Variants in SLC5A7 observed in about 807,000 individuals in gnomAD.
SLC5A7 encodes solute carrier family 5 member 7, also known as high affinity choline transporter 1.
SLC5A7 carries 19 observed loss-of-function variants against 55.4 expected under a neutral mutation model. The observed-to-expected ratio is 0.34, with a 90% CI of 0.24 to 0.50. The LOEUF is 0.50. SLC5A7 is among the 20% of genes least tolerant of loss of function. The pLI is 0.98. For synonymous variants in SLC5A7, 265 were observed against 263.7 expected (o/e 1.00, Z -0.05); for missense variants, 506 against 705.3 (o/e 0.72, Z 3.20).
At chr2:108,005,755 T>C (rs1274789966) in intron 6 of SLC5A7, among the ~76,000 whole-genome samples, 3 of 152,134 alleles carry the variant, frequency 2.0e-5, no homozygotes, top group Non-Finnish European at 4.4e-5. Context: ...AAAAACTCCT[T>C]TGACTCCCTT....
chr2:107,999,302 C>T (rs1444984057), intron 5 of SLC5A7, among the ~76,000 whole-genome samples: 1 of 152,182 alleles, frequency 6.6e-6, no homozygotes, highest in Admixed American at 6.5e-5. Context: ...AATCCCTCTT[C>T]AGAATGTCAG....
chr2:107,986,680 C>T lies in SLC5A7; in HGVS notation c.-135C>T. The T allele has an allele frequency of 6.6e-6, 1 of 151,996 alleles. No individual in the cohort carries two copies. The highest frequency in any genetic ancestry group is 1.5e-5 in the Non-Finnish European group (1 of 68,164). 9.4% of individuals were successfully genotyped at this position (151,996 alleles called of 1,614,324 possible). A position where few individuals can be genotyped will look rare whatever the true frequency, so the allele number is the denominator to read the frequency against. On this transcript the variant is annotated 5_prime_UTR_variant, in exon 1 of 9. Coordinates refer to ENST00000264047, the MANE Select transcript of SLC5A7 (RefSeq NM_021815.5). The stretch of plus-strand genomic sequence containing the variant: ...CCGACCCACCCCGCACCCTCCCTTT[C>T]TGCACCCTCGCACCCACACCCCTCG...
Position 108,011,961 on chromosome 2 carries a change from A to G in SLC5A7, c.*1100A>G, listed in dbSNP as rs1051121873. The G allele has an allele frequency of 6.6e-6, 1 of 152,628 alleles. No individual in the cohort carries two copies. Among genetic ancestry groups the G allele is most frequent in the African/African-American group, 2.4e-5 (1 of 41,458 alleles). The allele number at this position is 152,628 out of a possible 1,614,324, so 9.5% of individuals were successfully genotyped here. A position where few individuals can be genotyped will look rare whatever the true frequency, so the allele number is the denominator to read the frequency against. ...CATCTACTCTTTGGCACTTTTTCAC[A>G]TAAGCCAGCCTTAGAGACTAGACAA... On this transcript the variant is annotated 3_prime_UTR_variant, in exon 9 of 9. Coordinates refer to ENST00000264047, the MANE Select transcript of SLC5A7 (RefSeq NM_021815.5).
Position 108,010,588 on chromosome 2 carries a change from C to T in SLC5A7, c.1470C>T (p.Thr490=). ...KTLAMVTSFL[T]NICISYLAKY... Reference sequence around the variant, plus strand: ...TTGCCATGGTTACATCATTCTTAACCAACATTTGCATCTCCTATCTAGCCA... The same window carrying T: ...TTGCCATGGTTACATCATTCTTAACTAACATTTGCATCTCCTATCTAGCCA... The change falls in exon 9 of 9, where the codon ACC becomes ACT. Residue 490 remains threonine, a synonymous_variant. Coordinates refer to ENST00000264047, the MANE Select transcript of SLC5A7 (RefSeq NM_021815.5). 1 of 1,613,892 alleles carries T rather than the reference C, an allele frequency of 6.2e-7. No homozygotes were observed. The highest frequency in any genetic ancestry group is 8.5e-7 in the Non-Finnish European group (1 of 1,179,926).
chr2:108,010,791 C>T lies in SLC5A7; in HGVS notation c.1673C>T (p.Thr558Ile), dbSNP rs747026995. The T allele has an allele frequency of 6.2e-7, 1 of 1,613,122 alleles. No homozygotes were observed. The highest frequency in any genetic ancestry group is 1.1e-5 in the South Asian group (1 of 90,982). The change falls in exon 9 of 9, where the codon ACC (threonine) becomes ATC (isoleucine). Residue 558 changes from threonine to isoleucine, a missense_variant. Thr to Ile is a moderately conservative substitution (Grantham distance 89). This residue lies in a region of SLC5A7 where 137 missense variants were observed against 143.6 expected (regional missense o/e 0.95). Transcript: ENST00000264047. Reference sequence around the variant, plus strand: ...AGCATGACCCTCAGCTCAACTTTCACCAATAAAGAGGCCTTCCTTGATGTT... The same window carrying T: ...AGCATGACCCTCAGCTCAACTTTCATCAATAAAGAGGCCTTCCTTGATGTT... Reference protein sequence around the residue: ...RQSMTLSSTFTNKEAFLDVDS... With the variant: ...RQSMTLSSTFINKEAFLDVDS...
At chr2:107,992,695 C>G (rs908808126) in intron 3 of SLC5A7, among the ~76,000 whole-genome samples, 1 of 152,158 alleles carries the variant, frequency 6.6e-6, no homozygotes, top group Non-Finnish European at 1.5e-5. Flanking sequence ...TGCATTGAGG[C>G]ATTTAAGTGA....
chr2:108,010,933 A>G lies in SLC5A7; in HGVS notation c.*72A>G, dbSNP rs1678306303. ...GGGTAGTTCTGGAGAGATGGTATGC[A>G]GCATACAAAAATATATTAAAAATAT... On this transcript the variant is annotated 3_prime_UTR_variant, in exon 9 of 9. Transcript: ENST00000264047. 1 of 1,387,096 alleles carries G rather than the reference A, an allele frequency of 7.2e-7. No homozygotes were observed. The highest frequency in any genetic ancestry group is 9.6e-7 in the Non-Finnish European group (1 of 1,044,616). The allele number at this position is 1,387,096 out of a possible 1,614,324, so 85.9% of individuals were successfully genotyped here. A position where few individuals can be genotyped will look rare whatever the true frequency, so the allele number is the denominator to read the frequency against.
At chr2:107,997,368 G>A (rs1411809086) in intron 4 of SLC5A7, among the ~76,000 whole-genome samples, 1 of 152,204 alleles carries the variant, frequency 6.6e-6, no homozygotes, top group Non-Finnish European at 1.5e-5. Flanking sequence ...TAGCCTAGGT[G>A]TGTAGTAGGT....
intron 6 of SLC5A7, among the ~76,000 whole-genome samples, chr2:108,002,321 C>T (rs1057128918): frequency 6.6e-6 from 1 of 152,056 alleles, no homozygotes; most frequent in African/African-American, 2.4e-5. Context: ...ATGCCCTACC[C>T]CCAGGACTTT....
At position 107,993,117 on chromosome 2, in the gene SLC5A7, C is replaced by T; in HGVS notation, c.438C>T (p.Phe146=). ...MGEMFWAAAI[F]SALGATISVI... ...AAATGTTCTGGGCTGCAGCAATTTT[C>T]TCTGCTTTGGGTAAGGACCAGCTAA... The change falls in exon 4 of 9, where the codon TTC becomes TTT. Residue 146 remains phenylalanine (F), a synonymous_variant. Coordinates refer to ENST00000264047, the MANE Select transcript of SLC5A7 (RefSeq NM_021815.5). 7 of 1,614,154 alleles carry T rather than the reference C, an allele frequency of 4.3e-6. No individual in the cohort carries two copies. Among genetic ancestry groups the T allele is most frequent in the Non-Finnish European group, 5.9e-6 (7 of 1,180,008 alleles).
In SLC5A7 at chr2:108,010,974, G is replaced by A; in HGVS notation, c.*113G>A. On this transcript the variant is annotated 3_prime_UTR_variant, in exon 9 of 9. Transcript: ENST00000264047. ...TTAAAAATATAAACAATGTTCAGGA[G>A]AGTAAAAATTCATATAAAGTGCAAT... The A allele has an allele frequency of 1.7e-6, 2 of 1,176,368 alleles. No homozygotes were observed. Among genetic ancestry groups the A allele is most frequent in the East Asian group, 5.5e-5 (2 of 36,284 alleles). The allele number at this position is 1,176,368 out of a possible 1,614,324, so 72.9% of individuals were successfully genotyped here.
chr2:108,004,795 T>A (rs1395848706), intron 6 of SLC5A7, among the ~76,000 whole-genome samples: 1 of 152,072 alleles, frequency 6.6e-6, no homozygotes, highest in African/African-American at 2.4e-5. Context: ...CATCTCCACC[T>A]GTGGAAATGC....
At chr2:107,999,501 T>A (rs1242481909) in intron 5 of SLC5A7, among the ~76,000 whole-genome samples, 1 of 152,176 alleles carries the variant, frequency 6.6e-6, no homozygotes. Context: ...AGTGCAAATA[T>A]GTTAGAATAT....
rs1467739549 is a variant in SLC5A7, at chr2:108,011,134, CA to C, written c.*276del. On this transcript the variant is annotated 3_prime_UTR_variant, in exon 9 of 9. Coordinates refer to ENST00000264047, the MANE Select transcript of SLC5A7 (RefSeq NM_021815.5). Reference sequence around the variant, plus strand: ...AATAAGTAAAGTTCCACTTAGAGAACAAAGGGCCAAATAGAGTTTTTATATT... The same window carrying C: ...AATAAGTAAAGTTCCACTTAGAGAACAAGGGCCAAATAGAGTTTTTATATT... The C allele has an allele frequency of 3.5e-6, 1 of 285,938 alleles. No homozygotes were observed. Among genetic ancestry groups the C allele is most frequent in the Non-Finnish European group, 6.4e-6 (1 of 156,948 alleles). 17.7% of individuals were successfully genotyped at this position (285,938 alleles called of 1,614,324 possible). A position where few individuals can be genotyped will look rare whatever the true frequency, so the allele number is the denominator to read the frequency against.
chr2:108,010,106 T>A, intron 8 of SLC5A7, 126 bp from the exon 9 acceptor site: 1 of 1,199,466 alleles, frequency 8.3e-7, no homozygotes. Context: ...GTTTTTCCCA[T>A]AGATTGAGCC....
At chr2:108,003,266 A>C (rs969458124) in intron 6 of SLC5A7, among the ~76,000 whole-genome samples, 1 of 152,218 alleles carries the variant, frequency 6.6e-6, no homozygotes, top group African/African-American at 2.4e-5. Context: ...ACAATTAAGC[A>C]ATTTGTCAAT....
At position 108,010,438 on chromosome 2, in the gene SLC5A7, T is replaced by C. The variant is rs1477392149; in HGVS notation, c.1320T>C (p.Val440=). The C allele has an allele frequency of 6.2e-7, 1 of 1,613,934 alleles. No homozygotes were observed. The change falls in exon 9 of 9, where the codon GTT becomes GTC. Residue 440 remains valine (V), a synonymous_variant. Transcript: ENST00000264047. ...TNTYGAVAGY[V]SGLFLRITGG... ...CCTATGGGGCCGTGGCAGGTTATGT[T>C]TCTGGCCTCTTCCTGAGAATAACTG...
At chr2:108,004,976 T>C (rs1319007435) in intron 6 of SLC5A7, among the ~76,000 whole-genome samples, 1 of 152,246 alleles carries the variant, frequency 6.6e-6, no homozygotes, top group Admixed American at 6.5e-5. Context: ...CATTATAGTT[T>C]AAACGTTTTT....
chr2:107,988,273 G>A lies in SLC5A7; in HGVS notation c.118G>A (p.Glu40Lys), dbSNP rs760447400. Residue 40 changes from glutamate (E) to lysine (K), a missense_variant, in exon 2 of 9, where the codon GAA (glutamate) becomes AAA (lysine). This residue lies in a region of SLC5A7 where 56 missense variants were observed against 62.6 expected (regional missense o/e 0.89). Coordinates refer to ENST00000264047, the MANE Select transcript of SLC5A7 (RefSeq NM_021815.5). ...KNSGSAEERS[E>K]AIIVGGRDIG... is the part of the protein sequence containing the mutation. ...CAGTGGCAGCGCAGAAGAGCGCAGC[G>A]AAGCCATCATAGTTGGTGGCCGAGA... 19 of 1,614,036 alleles carry A rather than the reference G, an allele frequency of 1.2e-5. No homozygotes were observed. Among genetic ancestry groups the A allele is most frequent in the Non-Finnish European group, 1.5e-5 (18 of 1,180,000 alleles).
Sources: allele counts gnomAD v4.1 joint callset (sites outside exome capture counted in the v4.1 genomes callset), GRCh38; gene constraint gnomAD v4.1.1; regional missense constraint gnomAD v4.1.1; transcripts MANE v1.5; gene names NCBI Gene and HGNC (gene_info 2026-07-23, HGNC 2026-07-21).